Variants in CLSTN2 observed in about 807,000 individuals in gnomAD.
CLSTN2 encodes the protein calsyntenin-2.
In CLSTN2, 48 loss-of-function variants were observed where a neutral mutation model predicts 101.2. That is an observed-to-expected ratio of 0.47 (90% CI 0.38 to 0.60). The LOEUF (loss-of-function observed/expected upper bound fraction) is 0.60, where lower values mean the gene tolerates loss of function less well. CLSTN2 is among the 20% of genes least tolerant of loss of function. The pLI, the probability that CLSTN2 is intolerant of heterozygous loss-of-function variation, is 0.00. For synonymous variants in CLSTN2, 481 were observed against 463.6 expected (o/e 1.04, Z -0.48); for missense variants, 1,160 against 1,238.2 (o/e 0.94, Z 0.95).
chr3:140,431,090 G>A (rs899389873), intron 5 of CLSTN2, among the ~76,000 whole-genome samples: 2 of 152,200 alleles, frequency 1.3e-5, no homozygotes, highest in African/African-American at 4.8e-5. Context: ...TTATCTATAA[G>A]ATGGTGATGA....
chr3:140,306,376 A>G, intron 2 of CLSTN2, among the ~76,000 whole-genome samples: 1 of 152,150 alleles, frequency 6.6e-6, no homozygotes, highest in East Asian at 1.9e-4. Context: ...ACAGCATCGT[A>G]ATTCTAAGAG....
intron 1 of CLSTN2, among the ~76,000 whole-genome samples, chr3:140,127,389 AC>A (rs2009452911): frequency 6.6e-6 from 1 of 152,182 alleles, no homozygotes; most frequent in African/African-American, 2.4e-5. Flanking sequence ...AATAGGCCTA[AC>A]GCAGTACATA....
At chr3:139,992,667 A>G (rs1294960661) in intron 1 of CLSTN2, among the ~76,000 whole-genome samples, 1 of 152,234 alleles carries the variant, frequency 6.6e-6, no homozygotes, top group East Asian at 1.9e-4. Context: ...TACAAAGTGC[A>G]TCCTGGTTAC....
chr3:140,490,708 T>G (rs953159441), intron 8 of CLSTN2, among the ~76,000 whole-genome samples: 40 of 152,062 alleles, frequency 2.6e-4, no homozygotes, highest in African/African-American at 9.4e-4. Flanking sequence ...ATAGGAAGTC[T>G]TTCACCAAGC....
At chr3:140,499,287 C>T (rs1934525302) in intron 8 of CLSTN2, among the ~76,000 whole-genome samples, 1 of 152,150 alleles carries the variant, frequency 6.6e-6, no homozygotes, top group African/African-American at 2.4e-5. Flanking sequence ...TCAAGGTTTG[C>T]CTTTTCAACT....
chr3:139,987,405 C>T (rs187635437), intron 1 of CLSTN2, among the ~76,000 whole-genome samples: 449 of 152,292 alleles, frequency 2.9e-3, no homozygotes, highest in African/African-American at 0.01. Context: ...GCAGGAAAAA[C>T]TAGATGGCAA....
chr3:140,074,252 A>G (rs1242589157), intron 1 of CLSTN2, among the ~76,000 whole-genome samples: 1 of 152,044 alleles, frequency 6.6e-6, no homozygotes, highest in Non-Finnish European at 1.5e-5. Flanking sequence ...TTGATTCTTG[A>G]GCACTTGAGT....
At chr3:140,274,499 A>T (rs371462645) in intron 2 of CLSTN2, among the ~76,000 whole-genome samples, 18 of 152,180 alleles carry the variant, frequency 1.2e-4, no homozygotes, top group Admixed American at 8.5e-4. Context: ...ACAGTAATAG[A>T]ACAAAAAGGT....
At chr3:140,355,999 C>A (rs1204906390) in intron 2 of CLSTN2, among the ~76,000 whole-genome samples, 2 of 152,212 alleles carry the variant, frequency 1.3e-5, no homozygotes, top group Non-Finnish European at 2.9e-5. Flanking sequence ...AGTGAAGACA[C>A]AGCTCAGGCA....
At chr3:139,978,504 G>A (rs1405125538) in intron 1 of CLSTN2, among the ~76,000 whole-genome samples, 2 of 152,108 alleles carry the variant, frequency 1.3e-5, no homozygotes, top group Non-Finnish European at 2.9e-5. Flanking sequence ...ACAAAATCTT[G>A]TGCAAAAAAA....
At chr3:140,094,893 T>G (rs1266540237) in intron 1 of CLSTN2, among the ~76,000 whole-genome samples, 1 of 152,250 alleles carries the variant, frequency 6.6e-6, no homozygotes, top group Non-Finnish European at 1.5e-5. Context: ...GTAAATTACG[T>G]TATAATACGT....
chr3:140,448,754 G>A lies in CLSTN2; in HGVS notation c.973+50G>A, dbSNP rs374267620. 2.2e-5 allele frequency: 33 copies of A among 1,480,878 alleles called. No homozygotes were observed. In the African/African-American group the frequency reaches 4.0e-4, roughly 18 times the overall value. 91.7% of individuals were successfully genotyped at this position (1,480,878 alleles called of 1,614,324 possible). ...TAAAAATCAATTGCTTTTAAATGAT[G>A]TATACCAAAAAAGCATATCTTATTG... is the stretch of plus-strand genomic sequence containing the variant. On this transcript the variant is annotated intron_variant, in intron 6 of 16. Coordinates refer to ENST00000458420, the MANE Select transcript of CLSTN2 (RefSeq NM_022131.3).
intron 8 of CLSTN2, chr3:140,507,652 T>G (rs1178282912): frequency 6.6e-6 from 1 of 152,196 alleles, no homozygotes; most frequent in East Asian, 1.9e-4. Context: ...CAAAACTAGG[T>G]AAAATTCCTC....
intron 4 of CLSTN2, among the ~76,000 whole-genome samples, chr3:140,416,235 C>A (rs1011560574): frequency 2.6e-4 from 40 of 152,060 alleles, no homozygotes; most frequent in African/African-American, 9.7e-4. Flanking sequence ...AGGTATTGAT[C>A]ATAGCATATA....
intron 1 of CLSTN2, among the ~76,000 whole-genome samples, chr3:140,148,512 T>TA (rs2009815212): frequency 6.6e-6 from 1 of 152,220 alleles, no homozygotes; most frequent in East Asian, 1.9e-4. Context: ...TTATTTTTCA[T>TA]AATGACCCAC....
At chr3:140,546,405 T>C (rs773016558) in intron 9 of CLSTN2, 110 bp from the exon 10 acceptor site, 22 of 1,119,362 alleles carry the variant, frequency 2.0e-5, no homozygotes, top group Non-Finnish European at 2.8e-5. Flanking sequence ...AAAGCTCAGG[T>C]TCAGGGGACA....
intron 2 of CLSTN2, among the ~76,000 whole-genome samples, chr3:140,344,417 C>CTCTG (rs1012451324): frequency 3.3e-5 from 5 of 152,224 alleles, no homozygotes; most frequent in Non-Finnish European, 7.3e-5. Flanking sequence ...TCCAACATCA[C>CTCTG]GTTGCATGCC....
intron 1 of CLSTN2, among the ~76,000 whole-genome samples, chr3:140,108,990 C>T (rs1342754574): frequency 6.6e-6 from 1 of 152,112 alleles, no homozygotes; most frequent in Non-Finnish European, 1.5e-5. Context: ...AGGTGTGCCT[C>T]AGAAGGGTGA....
chr3:140,339,475 A>G (rs1239385173), intron 2 of CLSTN2, among the ~76,000 whole-genome samples: 1 of 152,134 alleles, frequency 6.6e-6, no homozygotes, highest in African/African-American at 2.4e-5. Flanking sequence ...CCCTTCCATC[A>G]TAGTGGTTTT....
Sources: allele counts gnomAD v4.1 joint callset (sites outside exome capture counted in the v4.1 genomes callset), GRCh38; gene constraint gnomAD v4.1.1; transcripts MANE v1.5; gene names NCBI Gene and HGNC (gene_info 2026-07-23, HGNC 2026-07-21).